Variants in CYB561 observed in about 807,000 individuals in gnomAD.
CYB561 encodes the protein transmembrane ascorbate-dependent reductase CYB561.
In CYB561, 11 loss-of-function variants were observed where a neutral mutation model predicts 25.3. The observed-to-expected ratio is 0.44, with a 90% CI of 0.27 to 0.72. The LOEUF is 0.72. Ranked by LOEUF, CYB561 falls within the 30% of genes least tolerant of loss-of-function variation. CYB561 has a pLI of 0.18. For synonymous variants in CYB561, 165 were observed against 158.8 expected, an observed-to-expected ratio of 1.04 and a Z score of -0.29; for missense variants, 295 against 334.9, an observed-to-expected ratio of 0.88 and a Z score of 0.93.
At position 63,437,538 on chromosome 17, in the gene CYB561, C is replaced by A; in HGVS notation, c.10G>T (p.Gly4Trp). The A allele has an allele frequency of 6.2e-7, 1 of 1,609,776 alleles. No homozygotes were observed. Among genetic ancestry groups the A allele is most frequent in the Non-Finnish European group, 8.5e-7 (1 of 1,179,776 alleles). Residue 4 changes from glycine (G) to tryptophan (W), a missense_variant, in exon 2 of 6, where the codon GGG becomes TGG. By Grantham distance (184) the Gly-to-Trp change is radical. Transcript: ENST00000360793. MEG[G>W]AAAATPTALP... is the part of the protein sequence containing the mutation. ...GCTGTGGGGGTGGCTGCCGCGGCCC[C>A]GCCCTCCATGCTGAGGCAAACGCTG... is the stretch of plus-strand genomic sequence containing the variant.
chr17:63,438,807 A>C (rs776866843), intron 1 of CYB561, among the ~76,000 whole-genome samples: 2 of 152,156 alleles, frequency 1.3e-5, no homozygotes, highest in Non-Finnish European at 2.9e-5. Flanking sequence ...GCACAGCTTC[A>C]TGCCGGCCGG....
At chr17:63,435,311 G>GCCCACA in intron 4 of CYB561, 68 bp from the exon 5 acceptor site, 1 of 1,545,308 alleles carries the variant, frequency 6.5e-7, no homozygotes, top group Non-Finnish European at 8.8e-7. Context: ...GGTCGGCCAG[G>GCCCACA]CCCACACCCA....
intron 4 of CYB561, 144 bp from the exon 5 acceptor site, chr17:63,435,387 T>A: frequency 1.2e-6 from 1 of 863,748 alleles, no homozygotes; most frequent in Non-Finnish European, 1.8e-6. Flanking sequence ...AGCACAGTGG[T>A]GGGAGGAGCA....
In CYB561 at chr17:63,436,304, T is replaced by A; in HGVS notation, c.203-152A>T. On this transcript the variant is annotated intron_variant, in intron 2 of 5. Transcript: ENST00000360793. The surrounding 1 kb of genome is among the most constrained non-coding windows in gnomAD (Gnocchi z 4.8). ...CAGGAACCGGAGGAGAAAGCCAGGT[T>A]CCCTGGGGACCCTGGGCAGCTCCTG... 1 of 1,028,954 alleles carries A rather than the reference T, an allele frequency of 9.7e-7. No individual in the cohort carries two copies. Among genetic ancestry groups the A allele is most frequent in the South Asian group, 1.6e-5 (1 of 61,176 alleles). The allele number at this position is 1,028,954 out of a possible 1,614,324, so 63.7% of individuals were successfully genotyped here.
intron 1 of CYB561, among the ~76,000 whole-genome samples, chr17:63,444,966 A>T (rs1257622454): frequency 1.3e-5 from 2 of 152,226 alleles, no homozygotes; most frequent in Non-Finnish European, 2.9e-5. Flanking sequence ...ACTTGAGGTT[A>T]GGAGTTCGAG....
In CYB561 at chr17:63,434,455, G is replaced by T; in HGVS notation, c.703C>A (p.Leu235Ile). Reference sequence around the variant, plus strand: ...GTCAGCGTCTTGAAGTCCATGGAGAGGGCCTGCTCTTCCGCCTGGGAAGGC... The same window carrying T: ...GTCAGCGTCTTGAAGTCCATGGAGATGGCCTGCTCTTCCGCCTGGGAAGGC... ...KRPSQAEEQA[L>I]SMDFKTLTEG... The change falls in exon 6 of 6, where the codon CTC becomes ATC. Residue 235 changes from leucine (L) to isoleucine (I), a missense_variant. Leu to Ile is a conservative substitution (Grantham distance 5). Coordinates refer to ENST00000360793, the MANE Select transcript of CYB561 (RefSeq NM_001915.4). 6.2e-7 allele frequency: 1 copy of T among 1,602,584 alleles called. No homozygotes were observed. Among genetic ancestry groups the T allele is most frequent in the East Asian group, 2.3e-5 (1 of 44,224 alleles).
At position 63,437,511 on chromosome 17, in the gene CYB561, G is replaced by C; in HGVS notation, c.37C>G (p.Leu13Val). 6.2e-7 allele frequency: 1 copy of C among 1,613,186 alleles called. No individual in the cohort carries two copies. Residue 13 changes from leucine (L) to valine (V), a missense_variant, in exon 2 of 6, where the codon CTG (leucine) becomes GTG (valine). Transcript: ENST00000360793. ...GGAAAATPTA[L>V]PYYVAFSQLL... ...TGGGAGAAGGCCACGTAGTAAGGCA[G>C]TGCTGTGGGGGTGGCTGCCGCGGCC...
intron 1 of CYB561, chr17:63,438,372 C>T: frequency 1.5e-6 from 1 of 645,828 alleles, no homozygotes; most frequent in Non-Finnish European, 2.6e-6. Context: ...GTCTCCCTCC[C>T]CCATCCTGGT....
In CYB561 at chr17:63,434,297, C is replaced by A; in HGVS notation, c.*105G>T. 2.8e-6 allele frequency: 3 copies of A among 1,078,158 alleles called. No individual in the cohort carries two copies. Among genetic ancestry groups the A allele is most frequent in the South Asian group, 1.6e-5 (1 of 61,646 alleles). 66.8% of individuals were successfully genotyped at this position (1,078,158 alleles called of 1,614,324 possible). ...AAACAGATGCAGCTGCACCCACGCG[C>A]CCGCCTGCTGCCAGAGCCACTCTCC... is the stretch of plus-strand genomic sequence containing the variant. On this transcript the variant is annotated 3_prime_UTR_variant, in exon 6 of 6. Coordinates refer to ENST00000360793, the MANE Select transcript of CYB561 (RefSeq NM_001915.4).
chr17:63,438,903 G>A lies in CYB561; in HGVS notation c.-13-1343C>T, dbSNP rs541256338. 1.9e-3 allele frequency among the ~76,000 whole-genome samples: 287 copies of A among 152,304 alleles called. 1 individual carries two copies. The highest frequency in any genetic ancestry group is 6.6e-3 in the African/African-American group (275 of 41,562). On this transcript the variant is annotated intron_variant, in intron 1 of 5. Transcript: ENST00000360793. ...CCCCTCACCCGGCAGCGGCCTGTGC[G>A]CCACGGAAAAGTGCTGCCATGGCCC... is the stretch of plus-strand genomic sequence containing the variant.
chr17:63,433,211 T>A lies in CYB561; in HGVS notation c.*1191A>T. 1 of 389,566 alleles carries A rather than the reference T, an allele frequency of 2.6e-6. No individual in the cohort carries two copies. The highest frequency in any genetic ancestry group is 4.5e-5 in the Admixed American group (1 of 22,438). 24.1% of individuals were successfully genotyped at this position (389,566 alleles called of 1,614,324 possible). On this transcript the variant is annotated 3_prime_UTR_variant, in exon 6 of 6. Coordinates refer to ENST00000360793, the MANE Select transcript of CYB561 (RefSeq NM_001915.4). ...CCACGCCTGGCTAATTTTTTTGTAT[T>A]TTTAGTAGAGACGGGGTTTCACTGT...
chr17:63,443,901 C>T (rs1418593654), intron 1 of CYB561, among the ~76,000 whole-genome samples: 1 of 152,236 alleles, frequency 6.6e-6, no homozygotes, highest in African/African-American at 2.4e-5. Flanking sequence ...TCTGGGATTA[C>T]AGACAGACAT....
chr17:63,435,240 G>C lies in CYB561; in HGVS notation c.409C>G (p.Leu137Val). 6.2e-7 allele frequency: 1 copy of C among 1,613,584 alleles called. No individual in the cohort carries two copies. Among genetic ancestry groups the C allele is most frequent in the Non-Finnish European group, 8.5e-7 (1 of 1,179,764 alleles). The change falls in exon 5 of 6, where the codon CTG becomes GTG. Residue 137 changes from leucine to valine, a missense_variant. Transcript: ENST00000360793. ...AACAGGAAGAAGCTGAAGCCCACCA[G>C]CCACTAGGATTTGAAAGGAGACGGT... is the stretch of plus-strand genomic sequence containing the variant. The part of the protein sequence containing the change: ...LVFVLYFVQW[L>V]VGFSFFLFPG...
chr17:63,445,101 G>A (rs757134319), intron 1 of CYB561, among the ~76,000 whole-genome samples: 4 of 152,156 alleles, frequency 2.6e-5, no homozygotes, highest in Non-Finnish European at 5.9e-5. Context: ...GCTTGAACCC[G>A]GAAGATGGAG....
At chr17:63,438,158 G>C (rs1256654429) in intron 1 of CYB561, 1 of 1,535,634 alleles carries the variant, frequency 6.5e-7, no homozygotes, top group South Asian at 1.2e-5. Context: ...ATGCGGTGAG[G>C]GTGCAAGGAA....
At chr17:63,444,888 G>A (rs1384419732) in intron 1 of CYB561, among the ~76,000 whole-genome samples, 1 of 152,210 alleles carries the variant, frequency 6.6e-6, no homozygotes, top group Non-Finnish European at 1.5e-5. Flanking sequence ...AAAAGTAGTA[G>A]GACAAGGCTG....
At position 63,446,252 on chromosome 17, in the gene CYB561, A is replaced by C. The variant is rs2049422833; in HGVS notation, c.-21T>G. The C allele has an allele frequency of 1.3e-5, 2 of 151,376 alleles. No homozygotes were observed. The highest frequency in any genetic ancestry group is 4.2e-4 in the South Asian group (2 of 4,788). The allele number at this position is 151,376 out of a possible 1,614,324, so 9.4% of individuals were successfully genotyped here. A position where few individuals can be genotyped will look rare whatever the true frequency, so the allele number is the denominator to read the frequency against. Reference sequence around the variant, plus strand: ...CCCAGCCCGGCCTCCTACCTTGCCTACCCGAGCGTCCCTTCAGCCTCCCCG... The same window carrying C: ...CCCAGCCCGGCCTCCTACCTTGCCTCCCCGAGCGTCCCTTCAGCCTCCCCG... On this transcript the variant is annotated 5_prime_UTR_variant, in exon 1 of 6. Transcript: ENST00000360793.
Position 63,437,183 on chromosome 17 carries a change from G to A in CYB561, c.202+163C>T. ...CTCACCAACCTCAGAGCCTGGGTTTGGATTCCATCTCCCCAGGCTCTGAAC... is the reference window on the plus strand; with the variant it reads ...CTCACCAACCTCAGAGCCTGGGTTTAGATTCCATCTCCCCAGGCTCTGAAC... On this transcript the variant is annotated intron_variant, in intron 2 of 5. Transcript: ENST00000360793. 3 of 625,916 alleles carry A rather than the reference G, an allele frequency of 4.8e-6. No homozygotes were observed. The South Asian group carries it at 6.0e-5, about 13-fold the overall frequency. The allele number at this position is 625,916 out of a possible 1,614,324, so 38.8% of individuals were successfully genotyped here.
intron 2 of CYB561, chr17:63,437,011 C>CT: frequency 8.0e-6 from 3 of 374,106 alleles, no homozygotes; most frequent in South Asian, 3.3e-5. Context: ...CATATGATTA[C>CT]TTTTTTTCCC....
Sources: allele counts gnomAD v4.1 joint callset (sites outside exome capture counted in the v4.1 genomes callset), GRCh38; gene constraint gnomAD v4.1.1; non-coding constraint Gnocchi (gnomAD v3.1); transcripts MANE v1.5; gene names NCBI Gene and HGNC (gene_info 2026-07-23, HGNC 2026-07-21).